Variants in NDST4 observed in about 807,000 individuals in gnomAD.
NDST4 encodes N-heparan sulfate sulfotransferase 4.
Under a neutral mutation model 100.8 loss-of-function variants are expected in NDST4, and 63 were observed. The observed-to-expected ratio is 0.62, with a 90% CI of 0.51 to 0.77. The LOEUF (loss-of-function observed/expected upper bound fraction) is 0.77, where lower values mean the gene tolerates loss of function less well. Among genes scored for constraint, NDST4 ranks in the 30% least tolerant of loss-of-function variants. The pLI is 0.00. For synonymous variants in NDST4, 377 were observed against 361.8 expected (o/e 1.04, Z -0.48); for missense variants, 943 against 1,018.4 (o/e 0.93, Z 1.01).
At chr4:115,031,533 T>C (rs1728116334) in intron 2 of NDST4, among the ~76,000 whole-genome samples, 1 of 152,032 alleles carries the variant, frequency 6.6e-6, no homozygotes, top group African/African-American at 2.4e-5. Context: ...CCACCAGTCT[T>C]CTTCTCTCTG....
At chr4:114,969,908 A>G (rs1192188857) in intron 4 of NDST4, among the ~76,000 whole-genome samples, 3 of 152,172 alleles carry the variant, frequency 2.0e-5, no homozygotes, top group Non-Finnish European at 4.4e-5. Flanking sequence ...CACAATGGCT[A>G]TACTAATTTA....
intron 6 of NDST4, among the ~76,000 whole-genome samples, chr4:114,896,532 G>A (rs1724716818): frequency 6.6e-6 from 1 of 151,398 alleles, no homozygotes; most frequent in Non-Finnish European, 1.5e-5. Flanking sequence ...GCTGAGGCAG[G>A]AGAATCACTC....
chr4:114,880,401 T>A (rs922556654), intron 6 of NDST4, among the ~76,000 whole-genome samples: 3 of 152,112 alleles, frequency 2.0e-5, no homozygotes, highest in Admixed American at 6.6e-5. Flanking sequence ...TTTTAAGAGA[T>A]TAAATCTCCC....
At chr4:114,969,960 A>G (rs1312985824) in intron 4 of NDST4, among the ~76,000 whole-genome samples, 1 of 152,184 alleles carries the variant, frequency 6.6e-6, no homozygotes, top group Non-Finnish European at 1.5e-5. Context: ...TTTCCTCTGC[A>G]ACCTTGCCAA....
At chr4:114,970,680 A>G (rs1051421398) in intron 3 of NDST4, 96 bp from the exon 4 acceptor site, 8 of 1,034,670 alleles carry the variant, frequency 7.7e-6, no homozygotes, top group Non-Finnish European at 1.1e-5. Context: ...CATGCTGCTG[A>G]TACATATATC....
intron 4 of NDST4, among the ~76,000 whole-genome samples, chr4:114,953,497 C>G (rs1038618085): frequency 2.0e-5 from 3 of 152,028 alleles, no homozygotes; most frequent in Admixed American, 2.0e-4. Context: ...AGTTTAGGAG[C>G]AAATAGTCCT....
intron 4 of NDST4, among the ~76,000 whole-genome samples, chr4:114,966,274 T>C (rs1726380592): frequency 6.6e-6 from 1 of 152,018 alleles, no homozygotes; most frequent in Admixed American, 6.6e-5. Flanking sequence ...CACATGCATA[T>C]ACATATTCAC....
At chr4:115,103,700 G>T (rs1374089937) in intron 1 of NDST4, among the ~76,000 whole-genome samples, 3 of 151,872 alleles carry the variant, frequency 2.0e-5, no homozygotes, top group African/African-American at 7.3e-5. Context: ...TCTATTTTAT[G>T]TTATTTTGTC....
chr4:115,016,878 A>G (rs1242033046), intron 2 of NDST4, among the ~76,000 whole-genome samples: 1 of 152,034 alleles, frequency 6.6e-6, no homozygotes, highest in African/African-American at 2.4e-5. Flanking sequence ...AAGTATATAG[A>G]ATGGGCAGTA....
At chr4:114,836,199 C>T (rs1203836327) in intron 11 of NDST4, among the ~76,000 whole-genome samples, 1 of 152,148 alleles carries the variant, frequency 6.6e-6, no homozygotes, top group Non-Finnish European at 1.5e-5. Context: ...ACAATTTCTT[C>T]ATAGTGTCAT....
rs1560856372 is a variant in NDST4, at chr4:115,008,312, C to CCAAAAAA, written c.979-31039_979-31038insTTTTTTG. On this transcript the variant is annotated intron_variant, in intron 2 of 13. Coordinates refer to ENST00000264363, the MANE Select transcript of NDST4 (RefSeq NM_022569.3). ...TTCTTCCTAGACTCGATGGTCTTTA[C>CCAAAAAA]AATTTGGCATGATTTTGCAGTGGCT... Among the ~76,000 whole-genome samples the CCAAAAAA allele has an allele frequency of 3.1e-5, 4 of 129,122 alleles. 1 individual carries two copies. Among genetic ancestry groups the CCAAAAAA allele is most frequent in the Non-Finnish European group, 6.6e-5 (4 of 60,360 alleles). The allele number at this position is 129,122 out of a possible 152,430, so 84.7% of individuals were successfully genotyped here. A position where few individuals can be genotyped will look rare whatever the true frequency, so the allele number is the denominator to read the frequency against.
At chr4:114,997,069 AT>A (rs1727181421) in intron 2 of NDST4, among the ~76,000 whole-genome samples, 1 of 151,962 alleles carries the variant, frequency 6.6e-6, no homozygotes, top group African/African-American at 2.4e-5. Flanking sequence ...TCATTTAGAT[AT>A]TTTTCACTTC....
At chr4:114,881,565 G>T (rs1025918716) in intron 6 of NDST4, among the ~76,000 whole-genome samples, 2 of 152,036 alleles carry the variant, frequency 1.3e-5, no homozygotes, top group African/African-American at 4.8e-5. Flanking sequence ...TGCTCTGAGG[G>T]TCCAGGTGAG....
intron 4 of NDST4, among the ~76,000 whole-genome samples, chr4:114,941,872 G>A (rs1725758230): frequency 6.6e-6 from 1 of 152,122 alleles, no homozygotes; most frequent in Admixed American, 6.5e-5. Flanking sequence ...AGTGGCTTAT[G>A]TTTCTAGCTT....
At chr4:114,917,603 C>A (rs994626922) in intron 6 of NDST4, among the ~76,000 whole-genome samples, 2 of 151,848 alleles carry the variant, frequency 1.3e-5, no homozygotes, top group Admixed American at 6.6e-5. Context: ...CATAGTGAGA[C>A]CCTGTCTCTA....
intron 6 of NDST4, among the ~76,000 whole-genome samples, chr4:114,894,842 C>G: frequency 6.6e-6 from 1 of 152,046 alleles, no homozygotes; most frequent in East Asian, 1.9e-4. Context: ...AATGCGTTCA[C>G]CTTTTACCCA....
At chr4:115,079,558 A>C (rs749577443) in intron 1 of NDST4, among the ~76,000 whole-genome samples, 1 of 152,128 alleles carries the variant, frequency 6.6e-6, no homozygotes, top group Non-Finnish European at 1.5e-5. Flanking sequence ...AACTTTCCCT[A>C]GGATAACTAT....
At chr4:115,086,940 C>A (rs952198295) in intron 1 of NDST4, among the ~76,000 whole-genome samples, 1 of 151,916 alleles carries the variant, frequency 6.6e-6, no homozygotes, top group African/African-American at 2.4e-5. Context: ...AAATGCTATC[C>A]GTGGCCAAGT....
intron 4 of NDST4, among the ~76,000 whole-genome samples, chr4:114,938,753 T>C (rs1279218432): frequency 1.3e-5 from 2 of 152,202 alleles, no homozygotes; most frequent in Non-Finnish European, 2.9e-5. Flanking sequence ...GAACCCTAAA[T>C]TTTTCACAAG....
Sources: allele counts gnomAD v4.1 joint callset (sites outside exome capture counted in the v4.1 genomes callset), GRCh38; gene constraint gnomAD v4.1.1; transcripts MANE v1.5; gene names NCBI Gene and HGNC (gene_info 2026-07-23, HGNC 2026-07-21).